The following NKAIN2 variants were observed in gnomAD, a reference collection of about 807,000 sequenced individuals.
NKAIN2 encodes sodium/potassium-transporting ATPase subunit beta-1-interacting protein 2.
In NKAIN2, 14 loss-of-function variants were observed where a neutral mutation model predicts 32.6. The ratio of observed to expected loss-of-function variants is 0.43; its 90% CI spans 0.28 to 0.67. The LOEUF is 0.67. Among genes scored for constraint, NKAIN2 ranks in the 30% least tolerant of loss-of-function variants. The probability of loss-of-function intolerance (pLI) is 0.17; values close to 1 mark genes in which losing one functional copy is unlikely to be tolerated. For synonymous variants in NKAIN2, 80 were observed against 87.2 expected (o/e 0.92, Z 0.46); for missense variants, 198 against 258.3 (o/e 0.77, Z 1.60).
intron 4 of NKAIN2, among the ~76,000 whole-genome samples, chr6:124,679,394 A>C (rs2114499010): frequency 6.6e-6 from 1 of 152,280 alleles, no homozygotes; most frequent in Non-Finnish European, 1.5e-5. Flanking sequence ...AGCCCTCCAA[A>C]AAGTATGAAT....
chr6:124,538,610 T>C (rs1002200862), intron 3 of NKAIN2, among the ~76,000 whole-genome samples: 6 of 152,114 alleles, frequency 3.9e-5, no homozygotes, highest in Non-Finnish European at 8.8e-5. Flanking sequence ...TCAACTATTA[T>C]TCAGATAGTT....
chr6:123,832,980 A>G (rs1602275), intron 1 of NKAIN2, among the ~76,000 whole-genome samples: 117,973 of 152,118 alleles, frequency 0.78, 46,037 homozygotes, highest in African/African-American at 0.84. Flanking sequence ...TTATCGATTT[A>G]TTTTTTATGG....
intron 1 of NKAIN2, among the ~76,000 whole-genome samples, chr6:124,278,650 C>CATAT (rs57008229): frequency 0.07 from 4,782 of 68,208 alleles, 280 homozygotes; most frequent in Non-Finnish European, 0.09. Context: ...ATACATAGCT[C>CATAT]ATATATATAT....
chr6:124,733,566 C>T (rs1358565463), intron 4 of NKAIN2, among the ~76,000 whole-genome samples: 1 of 151,742 alleles, frequency 6.6e-6, no homozygotes, highest in Non-Finnish European at 1.5e-5. Context: ...TACTGCTATA[C>T]AACTGTACTG....
chr6:124,084,837 C>T (rs78797047), intron 1 of NKAIN2, among the ~76,000 whole-genome samples: 4,430 of 151,630 alleles, frequency 0.029, 199 homozygotes, highest in African/African-American at 0.098. Flanking sequence ...GATCTTTTCC[C>T]GTCCTCATAG....
chr6:124,806,766 T>C (rs1562394811), intron 5 of NKAIN2, among the ~76,000 whole-genome samples: 2 of 147,852 alleles, frequency 1.4e-5, no homozygotes, highest in South Asian at 2.2e-4. Context: ...GAGACACACA[T>C]AGGCTCAAAA....
chr6:124,778,370 C>T (rs902782577), intron 4 of NKAIN2, among the ~76,000 whole-genome samples: 4 of 151,578 alleles, frequency 2.6e-5, no homozygotes, highest in Non-Finnish European at 5.9e-5. Flanking sequence ...AAAAAAAAGC[C>T]CTGCATAGGG....
intron 1 of NKAIN2, among the ~76,000 whole-genome samples, chr6:124,232,038 A>G (rs1468401041): frequency 1.3e-5 from 2 of 152,166 alleles, no homozygotes; most frequent in African/African-American, 4.8e-5. Context: ...CCGTTCTTGT[A>G]GGCACATCTG....
chr6:124,667,630 A>C (rs191739065), intron 4 of NKAIN2, among the ~76,000 whole-genome samples: 469 of 152,258 alleles, frequency 3.1e-3, no homozygotes, highest in Non-Finnish European at 4.9e-3. Flanking sequence ...TCTTAAAAAT[A>C]TATCTTTGAT....
intron 4 of NKAIN2, among the ~76,000 whole-genome samples, chr6:124,713,199 A>C (rs1455021830): frequency 3.3e-5 from 5 of 152,218 alleles, no homozygotes; most frequent in African/African-American, 1.2e-4. Flanking sequence ...TGTTACATAG[A>C]TGAATAAAGT....
chr6:124,194,169 C>T (rs1484950651), intron 1 of NKAIN2, among the ~76,000 whole-genome samples: 2 of 151,716 alleles, frequency 1.3e-5, no homozygotes, highest in Non-Finnish European at 2.9e-5. Flanking sequence ...GCAGCCCAGC[C>T]CCCAGGCTTC....
chr6:124,362,988 C>A lies in NKAIN2; in HGVS notation c.273+7641C>A, dbSNP rs76799533. Among the ~76,000 whole-genome samples, 803 of 152,128 alleles carry A rather than the reference C, an allele frequency of 5.3e-3. 6 individuals carry two copies. Among genetic ancestry groups the A allele is most frequent in the Non-Finnish European group, 8.4e-3 (569 of 68,008 alleles). ...TAGCTGGGTTTACATATGCGTGCCA[C>A]CACACTAGGCTAATTTTTGTATTTT... On this transcript the variant is annotated intron_variant, in intron 3 of 6. Coordinates refer to ENST00000368417, the MANE Select transcript of NKAIN2 (RefSeq NM_001040214.3).
chr6:124,591,312 TAGAC>T (rs759171849), intron 3 of NKAIN2, among the ~76,000 whole-genome samples: 6 of 152,170 alleles, frequency 3.9e-5, no homozygotes, highest in Non-Finnish European at 7.3e-5. Flanking sequence ...GTACATGTGA[TAGAC>T]AGGAAATGAA....
At chr6:124,745,929 T>C (rs1324075286) in intron 4 of NKAIN2, among the ~76,000 whole-genome samples, 2 of 151,892 alleles carry the variant, frequency 1.3e-5, no homozygotes, top group East Asian at 3.9e-4. Flanking sequence ...ATTAACTGAA[T>C]GTCAAAGGCC....
At chr6:124,603,505 A>G (rs1782383246) in intron 3 of NKAIN2, among the ~76,000 whole-genome samples, 1 of 151,906 alleles carries the variant, frequency 6.6e-6, no homozygotes, top group Non-Finnish European at 1.5e-5. Flanking sequence ...AAAATTAAGG[A>G]ATTACTTCCT....
intron 1 of NKAIN2, among the ~76,000 whole-genome samples, chr6:123,969,450 T>C (rs1465088776): frequency 6.6e-6 from 1 of 152,152 alleles, no homozygotes; most frequent in Non-Finnish European, 1.5e-5. Flanking sequence ...GAGGTTGATT[T>C]TTCTCACCAA....
intron 1 of NKAIN2, among the ~76,000 whole-genome samples, chr6:124,202,653 T>C (rs868074999): frequency 6.6e-6 from 1 of 151,894 alleles, no homozygotes; most frequent in African/African-American, 2.4e-5. Context: ...CTTTGAATGT[T>C]AGGATTTTTT....
chr6:124,493,677 A>G (rs1375019185), intron 3 of NKAIN2, among the ~76,000 whole-genome samples: 2 of 141,392 alleles, frequency 1.4e-5, no homozygotes, highest in African/African-American at 5.3e-5. Context: ...ACTGTCTTCT[A>G]TGCTAGAATG....
intron 1 of NKAIN2, among the ~76,000 whole-genome samples, chr6:124,252,563 T>A (rs1170307448): frequency 6.6e-6 from 1 of 152,134 alleles, no homozygotes; most frequent in East Asian, 1.9e-4. Context: ...TAAAAATATA[T>A]GTGTGTGCAT....
Sources: allele counts gnomAD v4.1 joint callset (sites outside exome capture counted in the v4.1 genomes callset), GRCh38; gene constraint gnomAD v4.1.1; transcripts MANE v1.5; gene names NCBI Gene and HGNC (gene_info 2026-07-23, HGNC 2026-07-21).